The following C2orf74 variants were observed in gnomAD, a reference collection of about 807,000 sequenced individuals.
C2orf74 encodes the protein DPM1 ER membrane anchor 1, also known as uncharacterized protein C2orf74.
A neutral mutation model predicts 17.9 loss-of-function variants in C2orf74; 14 were observed. The ratio of observed to expected loss-of-function variants is 0.78; its 90% CI spans 0.52 to 1.22. C2orf74 has a LOEUF of 1.22. Ranked by LOEUF, C2orf74 falls within the 50% of genes most tolerant of loss-of-function variation. C2orf74 has a pLI of 0.00. For synonymous variants in C2orf74, 79 were observed against 72.6 expected, an observed-to-expected ratio of 1.09 and a Z score of -0.44; for missense variants, 217 against 218.4, an observed-to-expected ratio of 0.99 and a Z score of 0.04.
chr2:61,155,565 G>T (rs1420685022), intron 1 of C2orf74, among the ~76,000 whole-genome samples: 2 of 152,080 alleles, frequency 1.3e-5, no homozygotes, highest in African/African-American at 4.8e-5. Flanking sequence ...CTGTCCCCCA[G>T]GCTGGAGTGC....
At chr2:61,150,640 C>T (rs1002887095) in intron 1 of C2orf74, among the ~76,000 whole-genome samples, 8 of 152,138 alleles carry the variant, frequency 5.3e-5, no homozygotes, top group Admixed American at 3.9e-4. Context: ...AGCTGACTGT[C>T]CTCACAGGCC....
At chr2:61,152,260 T>C (rs1275131724) in intron 1 of C2orf74, 2 of 152,426 alleles carry the variant, frequency 1.3e-5, no homozygotes, top group African/African-American at 4.8e-5. Flanking sequence ...TTACCAAGCA[T>C]GTCGGGCGCG....
chr2:61,162,252 A>G lies in C2orf74; in HGVS notation c.-168A>G. 1 of 496,856 alleles carries G rather than the reference A, an allele frequency of 2.0e-6. No individual in the cohort carries two copies. The highest frequency in any genetic ancestry group is 3.5e-6 in the Non-Finnish European group (1 of 283,648). 30.8% of individuals were successfully genotyped at this position (496,856 alleles called of 1,614,324 possible). Reference sequence around the variant, plus strand: ...AGGGAGGTGAGCTGCGTGATCACACATGTCCCAGCTCAGTCTCCCCTCTGG... The same window carrying G: ...AGGGAGGTGAGCTGCGTGATCACACGTGTCCCAGCTCAGTCTCCCCTCTGG... On this transcript the variant is annotated 5_prime_UTR_variant, in exon 1 of 5. It removes an upstream start codon present in the reference 5' UTR. Transcript: ENST00000432605.
chr2:61,162,656 G>T, intron 2 of C2orf74, 47 bp downstream of exon 2: 1 of 1,221,680 alleles, frequency 8.2e-7, no homozygotes. Flanking sequence ...AGTCACATTA[G>T]CAAATGTGTA....
chr2:61,147,559 T>A (rs1685107177), intron 1 of C2orf74, among the ~76,000 whole-genome samples: 1 of 152,196 alleles, frequency 6.6e-6, no homozygotes, highest in Non-Finnish European at 1.5e-5. Flanking sequence ...TATTACCTGA[T>A]TTTGTTTTCA....
rs1307593461 is a variant in C2orf74, at chr2:61,163,002, T to C, written c.209+47T>C. On this transcript the variant is annotated intron_variant, in intron 3 of 4. Coordinates refer to ENST00000432605, the MANE Select transcript of C2orf74 (RefSeq NM_001143959.4). Reference sequence around the variant, plus strand: ...GCAGAGGCCATTTTGTGTTTGATAGTGGGGATGAGGATGCATGAATGTTTA... The same window carrying C: ...GCAGAGGCCATTTTGTGTTTGATAGCGGGGATGAGGATGCATGAATGTTTA... 3 of 1,551,670 alleles carry C rather than the reference T, an allele frequency of 1.9e-6. No individual in the cohort carries two copies. In the South Asian group the frequency reaches 3.6e-5, roughly 18 times the overall value.
intron 1 of C2orf74, among the ~76,000 whole-genome samples, chr2:61,146,450 T>C (rs1361876261): frequency 6.6e-6 from 1 of 152,216 alleles, no homozygotes; most frequent in East Asian, 1.9e-4. Flanking sequence ...AATGTATTCC[T>C]CATTATAATA....
chr2:61,146,264 C>T (rs1043198225), intron 1 of C2orf74, among the ~76,000 whole-genome samples: 4 of 152,054 alleles, frequency 2.6e-5, no homozygotes, highest in Admixed American at 1.3e-4. Flanking sequence ...TCTTACTAAG[C>T]GAAAAAAGCC....
upstream of C2orf74, among the ~76,000 whole-genome samples, chr2:61,161,487 ATATGTT>A (rs1685562094): frequency 6.6e-6 from 1 of 152,206 alleles, no homozygotes; most frequent in Admixed American, 6.5e-5. Context: ...AGAGATGATA[ATATGTT>A]TATTTTTAAC....
At chr2:61,162,654 T>G (rs1481116368) in intron 2 of C2orf74, 45 bp downstream of exon 2, 1 of 1,233,186 alleles carries the variant, frequency 8.1e-7, no homozygotes. Flanking sequence ...CAAGTCACAT[T>G]AGCAAATGTG....
chr2:61,154,468 T>G (rs1387463330), intron 1 of C2orf74, among the ~76,000 whole-genome samples: 3 of 152,138 alleles, frequency 2.0e-5, no homozygotes, highest in South Asian at 2.1e-4. Flanking sequence ...TAAGAGAATC[T>G]GAATCAACCA....
chr2:61,152,812 C>T (rs1262005187), intron 1 of C2orf74, among the ~76,000 whole-genome samples: 1 of 134,548 alleles, frequency 7.4e-6, no homozygotes, highest in Non-Finnish European at 1.5e-5. Context: ...TGCGCCATTG[C>T]ACTCCAGCCT....
chr2:61,157,531 G>A (rs1449316594), upstream of C2orf74, among the ~76,000 whole-genome samples: 1 of 152,118 alleles, frequency 6.6e-6, no homozygotes, highest in Non-Finnish European at 1.5e-5. Flanking sequence ...GAAAGGCATG[G>A]ACTCACACAG....
At position 61,162,830 on chromosome 2, in the gene C2orf74, G is replaced by A; in HGVS notation, c.96-12G>A. ...TCTTCCTTTTCTGAATTTGTGGCTT[G>A]TTTGTTTTCAGTTTCCAAGGCAGGA... On this transcript the variant is annotated splice_polypyrimidine_tract_variant and intron_variant, in intron 2 of 4. Transcript: ENST00000432605. 6.5e-7 allele frequency: 1 copy of A among 1,527,494 alleles called. No homozygotes were observed. Among genetic ancestry groups the A allele is most frequent in the Non-Finnish European group, 8.8e-7 (1 of 1,136,554 alleles). 94.6% of individuals were successfully genotyped at this position (1,527,494 alleles called of 1,614,324 possible). A position where few individuals can be genotyped will look rare whatever the true frequency, so the allele number is the denominator to read the frequency against.
In C2orf74 at chr2:61,162,928, T is replaced by A. The variant is rs1685609690; in HGVS notation, c.182T>A (p.Val61Glu). The change falls in exon 3 of 5, where the codon GTG (valine) becomes GAG (glutamate). Residue 61 changes from valine (V) to glutamate (E), a missense_variant. Physicochemically the swap from Val to Glu is moderately radical, Grantham distance 121 (BLOSUM62 -2). Coordinates refer to ENST00000432605, the MANE Select transcript of C2orf74 (RefSeq NM_001143959.4). ...GTAGACTGTGCAGCTGCCAAAGTGG[T>A]GACAAGCAATCCAGAGGACCATGAA... ...GGVDCAAAKV[V>E]TSNPEDHERI... 6.4e-7 allele frequency: 1 copy of A among 1,552,494 alleles called. No homozygotes were observed. Among genetic ancestry groups the A allele is most frequent in the African/African-American group, 1.4e-5 (1 of 73,134 alleles).
chr2:61,158,210 A>G (rs1685453986), upstream of C2orf74, among the ~76,000 whole-genome samples: 1 of 152,190 alleles, frequency 6.6e-6, no homozygotes. Flanking sequence ...CCAGATACCC[A>G]TGAGAGTTAC....
upstream of C2orf74, chr2:61,159,297 T>G (rs1440768095): frequency 2.6e-6 from 1 of 383,800 alleles, no homozygotes; most frequent in Admixed American, 3.0e-5. Context: ...CACCCAGCCT[T>G]TTTTTTTTTC....
chr2:61,153,307 G>A (rs926436633), intron 1 of C2orf74, among the ~76,000 whole-genome samples: 3 of 152,178 alleles, frequency 2.0e-5, no homozygotes, highest in South Asian at 2.1e-4. Context: ...TTGAGACGGA[G>A]TCTCGCTCAG....
rs1447043367 is a variant in C2orf74 at position 61,164,472 on chromosome 2, G to T, written c.509G>T (p.Gly170Val). ...AGGGAGGTAATTGTTGTGGATCTTGGGAATGAATACCCTACACCTCGAAGC... is the reference window on the plus strand; with the variant it reads ...AGGGAGGTAATTGTTGTGGATCTTGTGAATGAATACCCTACACCTCGAAGC... ...FSREVIVVDL[G>V]NEYPTPRSYT... The change falls in exon 5 of 5, where the codon GGG becomes GTG. Residue 170 changes from glycine to valine, a missense_variant. Physicochemically the swap from Gly to Val is moderately radical, Grantham distance 109 (BLOSUM62 -3). Transcript: ENST00000432605. The T allele has an allele frequency of 2.6e-6, 4 of 1,550,674 alleles. No individual in the cohort carries two copies. The South Asian group carries it at 4.8e-5, about 18-fold the overall frequency.
Sources: gnomAD v4.1 joint callset for allele counts (sites outside exome capture counted in the v4.1 genomes callset) on GRCh38, gnomAD v4.1.1 for gene constraint, MANE v1.5 for transcripts, NCBI Gene and HGNC (gene_info 2026-07-23, HGNC 2026-07-21) for gene names.